Variants in DPYD observed in about 807,000 individuals in gnomAD.
The protein encoded by DPYD is dihydropyrimidine dehydrogenase [NADP(+)].
A neutral mutation model predicts 116.2 loss-of-function variants in DPYD; 109 were observed. The ratio of observed to expected loss-of-function variants is 0.94; its 90% CI spans 0.80 to 1.10. The LOEUF (loss-of-function observed/expected upper bound fraction) is 1.10, where lower values mean the gene tolerates loss of function less well. DPYD is among the 50% of genes least tolerant of loss of function. DPYD has a pLI of 0.00. For synonymous variants in DPYD, 440 were observed against 432.0 expected, an observed-to-expected ratio of 1.02 and a Z score of -0.23; for missense variants, 1,302 against 1,254.5, an observed-to-expected ratio of 1.04 and a Z score of -0.57.
At chr1:97,400,087 T>C (rs200409981) in intron 14 of DPYD, among the ~76,000 whole-genome samples, 7,803 of 152,154 alleles carry the variant, frequency 0.051, 292 homozygotes, top group East Asian at 0.17. Context: ...CTGTGGGTTT[T>C]TCATAAGTAG....
chr1:97,875,345 T>C (rs746135368), intron 2 of DPYD, among the ~76,000 whole-genome samples: 6 of 151,944 alleles, frequency 3.9e-5, no homozygotes, highest in Non-Finnish European at 8.8e-5. Flanking sequence ...AGACAGGATC[T>C]TGGATGGAGA....
intron 2 of DPYD, among the ~76,000 whole-genome samples, chr1:97,828,880 T>G (rs886357884): frequency 7.9e-5 from 12 of 152,004 alleles, no homozygotes; most frequent in African/African-American, 2.9e-4. Flanking sequence ...TTAAATTTCA[T>G]AAGTGTTTCT....
chr1:97,228,136 A>T (rs12402250), intron 19 of DPYD, among the ~76,000 whole-genome samples: 37,457 of 149,640 alleles, frequency 0.25, 5,021 homozygotes, highest in Middle Eastern at 0.31. Context: ...AAGGTAACAG[A>T]CTTTAGTTGT....
chr1:97,448,298 A>T (rs1676204022), intron 14 of DPYD, among the ~76,000 whole-genome samples: 1 of 152,198 alleles, frequency 6.6e-6, no homozygotes, highest in African/African-American at 2.4e-5. Context: ...GGTAAAAGCA[A>T]ATTTCAAGTT....
In DPYD at chr1:97,877,877, T is replaced by C. The variant is rs376739783; in HGVS notation, c.150+5387A>G. Among the ~76,000 whole-genome samples, 63 of 152,138 alleles carry C rather than the reference T, an allele frequency of 4.1e-4. 2 individuals carry two copies. The East Asian group carries it at 9.7e-3, about 24-fold the overall frequency. ...CCATGAAAGCGTGAATGAGATTGAC[T>C]GCTAGTTGTACTAATTAAGTGGATT... On this transcript the variant is annotated intron_variant, in intron 2 of 22. Coordinates refer to ENST00000370192, the MANE Select transcript of DPYD (RefSeq NM_000110.4).
chr1:97,174,129 G>A (rs758869877), intron 20 of DPYD, among the ~76,000 whole-genome samples: 1 of 151,982 alleles, frequency 6.6e-6, no homozygotes, highest in Non-Finnish European at 1.5e-5. Flanking sequence ...GGGTTTGTTT[G>A]TATAAGGGTA....
At chr1:97,152,784 G>T (rs1388011037) in intron 20 of DPYD, among the ~76,000 whole-genome samples, 2 of 151,772 alleles carry the variant, frequency 1.3e-5, no homozygotes, top group Non-Finnish European at 2.9e-5. Context: ...GCATACCTGA[G>T]AACTGAATAC....
chr1:97,212,870 T>C (rs1409686973), intron 19 of DPYD, among the ~76,000 whole-genome samples: 1 of 152,166 alleles, frequency 6.6e-6, no homozygotes, highest in African/African-American at 2.4e-5. Context: ...CATTCCTGTC[T>C]ATAGAATGAG....
chr1:97,773,756 T>G (rs1209324046), intron 3 of DPYD, among the ~76,000 whole-genome samples: 1 of 152,106 alleles, frequency 6.6e-6, no homozygotes, highest in Non-Finnish European at 1.5e-5. Context: ...GCTGCCCAAC[T>G]CCAGGGGAAG....
intron 10 of DPYD, among the ~76,000 whole-genome samples, chr1:97,582,987 G>C (rs935811128): frequency 6.6e-6 from 1 of 152,024 alleles, no homozygotes; most frequent in African/African-American, 2.4e-5. Flanking sequence ...TTTGTTTTTT[G>C]AGATGGAGTC....
intron 2 of DPYD, among the ~76,000 whole-genome samples, chr1:97,831,128 G>T (rs1669520414): frequency 6.6e-6 from 1 of 152,302 alleles, no homozygotes; most frequent in South Asian, 2.1e-4. Flanking sequence ...TACAGAAATT[G>T]AAATCAAATC....
chr1:97,707,444 T>G (rs1198303450), intron 5 of DPYD, among the ~76,000 whole-genome samples: 1 of 67,118 alleles, frequency 1.5e-5, no homozygotes, highest in Admixed American at 2.4e-4. Flanking sequence ...CCCTCCCCCC[T>G]CCCCCCACCC....
chr1:97,345,761 TATATG>T (rs1669810593), intron 16 of DPYD, among the ~76,000 whole-genome samples: 1 of 151,952 alleles, frequency 6.6e-6, no homozygotes, highest in African/African-American at 2.4e-5. Context: ...TCACTTGCTT[TATATG>T]ATAACATATA....
intron 20 of DPYD, among the ~76,000 whole-genome samples, chr1:97,160,118 T>C (rs1046656855): frequency 1.2e-4 from 18 of 152,156 alleles, no homozygotes; most frequent in African/African-American, 4.3e-4. Flanking sequence ...TACAGTGTTA[T>C]ATATTCAACT....
chr1:97,448,558 A>T (rs1676217435), intron 14 of DPYD, among the ~76,000 whole-genome samples: 1 of 152,012 alleles, frequency 6.6e-6, no homozygotes, highest in Non-Finnish European at 1.5e-5. Flanking sequence ...AGTACCTGGC[A>T]GAGTATTTAA....
rs999944834 is a variant in DPYD, at chr1:97,632,660, C to T, written c.851-37494G>A. ...TGACCCCAATCTTACTTCTGACTTC[C>T]CCAAGTTCAACTGATTGAAATGTTG... On this transcript the variant is annotated intron_variant, in intron 8 of 22. Transcript: ENST00000370192. Among the ~76,000 whole-genome samples, 4 of 152,024 alleles carry T rather than the reference C, an allele frequency of 2.6e-5. No homozygotes were observed. The East Asian group carries it at 5.8e-4, about 22-fold the overall frequency.
chr1:97,257,342 C>T (rs951646290), intron 18 of DPYD, among the ~76,000 whole-genome samples: 1 of 150,780 alleles, frequency 6.6e-6, no homozygotes, highest in Non-Finnish European at 1.5e-5. Context: ...ATAAATGAGA[C>T]CTATATTTTT....
intron 10 of DPYD, among the ~76,000 whole-genome samples, chr1:97,580,399 T>C (rs1342199960): frequency 6.6e-6 from 1 of 152,232 alleles, no homozygotes; most frequent in Non-Finnish European, 1.5e-5. Flanking sequence ...GTTAAATTAT[T>C]GGATGTACCA....
intron 1 of DPYD, among the ~76,000 whole-genome samples, chr1:97,894,221 A>T (rs1303239058): frequency 6.6e-6 from 1 of 151,792 alleles, no homozygotes; most frequent in Non-Finnish European, 1.5e-5. Context: ...GATGAGAATG[A>T]GAGAAAGCTC....
Sources: allele counts gnomAD v4.1 joint callset (sites outside exome capture counted in the v4.1 genomes callset), GRCh38; gene constraint gnomAD v4.1.1; transcripts MANE v1.5; gene names NCBI Gene and HGNC (gene_info 2026-07-23, HGNC 2026-07-21).